SLC24A2: variants seen among roughly 807,000 people sequenced by gnomAD.
SLC24A2 encodes the protein solute carrier family 24 member 2.
Under a neutral mutation model 62.0 loss-of-function variants are expected in SLC24A2, and 36 were observed. The observed-to-expected ratio is 0.58, with a 90% CI of 0.44 to 0.77. The LOEUF (loss-of-function observed/expected upper bound fraction) is 0.77. Ranked by LOEUF, SLC24A2 falls within the 30% of genes least tolerant of loss-of-function variation. The pLI, the probability that SLC24A2 is intolerant of heterozygous loss-of-function variation, is 0.00. For synonymous variants in SLC24A2, 358 were observed against 294.0 expected (o/e 1.22, Z -2.23); for missense variants, 846 against 817.9 (o/e 1.03, Z -0.42).
chr9:19,931,216 C>G, the SLC24A2 span, among the ~76,000 whole-genome samples: 1 of 152,188 alleles, frequency 6.6e-6, no homozygotes, highest in South Asian at 2.1e-4. Flanking sequence ...TGTGGAAGGT[C>G]AGGTTGCAGT....
the SLC24A2 span, among the ~76,000 whole-genome samples, chr9:20,003,328 T>A: frequency 6.6e-6 from 1 of 152,330 alleles, no homozygotes; most frequent in African/African-American, 2.4e-5. Context: ...AATCCACTCT[T>A]GTTTTCTCTG....
the SLC24A2 span, among the ~76,000 whole-genome samples, chr9:20,263,805 T>C: frequency 2.7e-5 from 4 of 148,414 alleles, no homozygotes; most frequent in African/African-American, 5.0e-5. Context: ...ACTTCCATTG[T>C]TGCAGGAAGT....
At chr9:20,070,660 G>T in the SLC24A2 span, among the ~76,000 whole-genome samples, 1 of 152,188 alleles carries the variant, frequency 6.6e-6, no homozygotes, top group Non-Finnish European at 1.5e-5. Flanking sequence ...GCTACTTAAA[G>T]ATTGTACTTT....
chr9:19,751,093 A>G (rs1821968919), intron 2 of SLC24A2, among the ~76,000 whole-genome samples: 1 of 152,122 alleles, frequency 6.6e-6, no homozygotes, highest in African/African-American at 2.4e-5. Flanking sequence ...TCCTCGTAGG[A>G]TTATGAACCT....
chr9:19,726,483 T>A (rs149087511), intron 2 of SLC24A2, among the ~76,000 whole-genome samples: 1 of 152,202 alleles, frequency 6.6e-6, no homozygotes, highest in Non-Finnish European at 1.5e-5. Context: ...CAAAGAGCAA[T>A]CAGAAAGCAC....
chr9:20,103,399 G>C, the SLC24A2 span, among the ~76,000 whole-genome samples: 2 of 152,208 alleles, frequency 1.3e-5, no homozygotes, highest in Non-Finnish European at 2.9e-5. Context: ...GCCTCCTCAA[G>C]TGGGTCCCTG....
chr9:19,651,545 A>AC (rs1818801348), intron 2 of SLC24A2, among the ~76,000 whole-genome samples: 1 of 140,950 alleles, frequency 7.1e-6, no homozygotes, highest in Non-Finnish European at 1.5e-5. Context: ...CTGCTGGGGA[A>AC]CCCCCCACGC....
chr9:19,673,474 A>C (rs1042675955), intron 2 of SLC24A2, among the ~76,000 whole-genome samples: 1 of 151,622 alleles, frequency 6.6e-6, no homozygotes, highest in African/African-American at 2.4e-5. Flanking sequence ...TTTGAGACAC[A>C]GTCTTGCTCT....
the SLC24A2 span, among the ~76,000 whole-genome samples, chr9:20,035,786 ATC>A: frequency 9.9e-5 from 15 of 152,124 alleles, no homozygotes; most frequent in African/African-American, 3.4e-4. Flanking sequence ...TGAAATGGAC[ATC>A]TCTCTGAACC....
chr9:20,271,555 C>G, the SLC24A2 span, among the ~76,000 whole-genome samples: 1 of 152,206 alleles, frequency 6.6e-6, no homozygotes, highest in Non-Finnish European at 1.5e-5. Flanking sequence ...AAGGCTCTCT[C>G]ACTCACAGCA....
the SLC24A2 span, among the ~76,000 whole-genome samples, chr9:19,829,546 G>C: frequency 2.6e-4 from 40 of 151,840 alleles, no homozygotes; most frequent in African/African-American, 8.7e-4. Flanking sequence ...GAAAGCTCAG[G>C]AAATTTCTTT....
At chr9:20,256,650 A>G in the SLC24A2 span, among the ~76,000 whole-genome samples, 2 of 152,134 alleles carry the variant, frequency 1.3e-5, no homozygotes, top group Non-Finnish European at 2.9e-5. Flanking sequence ...TTCCTAATCC[A>G]ACTGTGCAGT....
chr9:20,285,469 G>GA, the SLC24A2 span, among the ~76,000 whole-genome samples: 1,214 of 152,246 alleles, frequency 8.0e-3, 11 homozygotes, highest in African/African-American at 0.027. Context: ...CTGAAAGCAG[G>GA]AAAAAAGCTG....
chr9:19,947,790 CAA>C, the SLC24A2 span, among the ~76,000 whole-genome samples: 6 of 84,984 alleles, frequency 7.1e-5, no homozygotes, highest in Admixed American at 3.5e-4. Flanking sequence ...GACTCTGTCT[CAA>C]AAAAAAAAAA....
chr9:20,307,099 G>C, the SLC24A2 span, among the ~76,000 whole-genome samples: 24 of 151,918 alleles, frequency 1.6e-4, 1 homozygote, highest in Admixed American at 6.6e-5. Context: ...TGTTTACATC[G>C]ATCTTTAAAG....
At chr9:20,197,388 T>C in the SLC24A2 span, among the ~76,000 whole-genome samples, 2 of 151,746 alleles carry the variant, frequency 1.3e-5, no homozygotes, top group East Asian at 3.9e-4. Context: ...AAAGCCCATT[T>C]AATTCTGCTA....
chr9:20,145,990 T>C, the SLC24A2 span, among the ~76,000 whole-genome samples: 67,572 of 151,902 alleles, frequency 0.44, 18,399 homozygotes, highest in Non-Finnish European at 0.63. Flanking sequence ...AATGGTTGCA[T>C]AGTATGGCAT....
the SLC24A2 span, among the ~76,000 whole-genome samples, chr9:20,045,568 A>G: frequency 6.6e-6 from 1 of 152,052 alleles, no homozygotes; most frequent in African/African-American, 2.4e-5. Context: ...AGTAGCTAGG[A>G]TTACAGGCGC....
At chr9:20,106,231 A>G in the SLC24A2 span, among the ~76,000 whole-genome samples, 3 of 152,246 alleles carry the variant, frequency 2.0e-5, no homozygotes, top group Non-Finnish European at 4.4e-5. Flanking sequence ...AAAAGAGTCC[A>G]GGAACAGATG....
Sources: gnomAD v4.1 joint callset for allele counts (sites outside exome capture counted in the v4.1 genomes callset) on GRCh38, gnomAD v4.1.1 for gene constraint, MANE v1.5 for transcripts, NCBI Gene and HGNC (gene_info 2026-07-23, HGNC 2026-07-21) for gene names.